Variants in PCDHA8 observed in about 807,000 individuals in gnomAD.
PCDHA8 encodes protocadherin alpha-8.
In PCDHA8, 53 loss-of-function variants were observed where a neutral mutation model predicts 61.8. That is an observed-to-expected ratio of 0.86 (90% CI 0.69 to 1.08). The LOEUF is 1.08. Ranked by LOEUF, PCDHA8 falls within the 50% of genes least tolerant of loss-of-function variation. PCDHA8 has a pLI of 0.00. For missense variants in PCDHA8, 1,293 were observed against 1,245.0 expected (o/e 1.04, Z -0.58); for synonymous variants, 618 against 556.6 (o/e 1.11, Z -1.55).
chr5:140,978,802 T>C, intron 1 of PCDHA8, 147 bp from the exon 2 acceptor site: 1 of 1,483,264 alleles, frequency 6.7e-7, no homozygotes, highest in Non-Finnish European at 9.0e-7. Flanking sequence ...TATGTAGATA[T>C]CATCATAGAG....
At chr5:140,850,132 G>A (rs2150469208) in intron 1 of PCDHA8, 1 of 1,595,756 alleles carries the variant, frequency 6.3e-7, no homozygotes, top group East Asian at 2.2e-5. Flanking sequence ...CCGCCTCTGG[G>A]CAGCAACGTG....
chr5:141,007,349 G>C (rs532404832), intron 3 of PCDHA8, among the ~76,000 whole-genome samples: 204 of 144,744 alleles, frequency 1.4e-3, no homozygotes, highest in Middle Eastern at 0.011. Flanking sequence ...TCAGGAGTTC[G>C]AGACCAGCCT....
At chr5:140,970,384 C>T (rs2096401322) in intron 1 of PCDHA8, among the ~76,000 whole-genome samples, 1 of 152,104 alleles carries the variant, frequency 6.6e-6, no homozygotes, top group Admixed American at 6.5e-5. Flanking sequence ...AAAAGGCTGG[C>T]TTGGAAAGTG....
intron 1 of PCDHA8, chr5:140,856,071 TG>T: frequency 6.3e-7 from 1 of 1,591,920 alleles, no homozygotes; most frequent in East Asian, 2.2e-5. Flanking sequence ...TGTAGCTGCC[TG>T]GGGGTCCAGT....
rs1263615997 is a variant in PCDHA8 at position 140,926,760 on chromosome 5, A to ATAC, written c.2395-52188_2395-52187insACT. ...GGCGCAACGTCGGCGGTCGCTGAGT[A>ATAC]TCCAGCCCGCAGCAGTGACGGCCGG... On this transcript the variant is annotated intron_variant, in intron 1 of 3. Transcript: ENST00000531613. The ATAC allele has an allele frequency of 6.1e-6, 8 of 1,312,248 alleles. No homozygotes were observed. The African/African-American group carries it at 1.2e-4, about 20-fold the overall frequency. The allele number at this position is 1,312,248 out of a possible 1,614,324, so 81.3% of individuals were successfully genotyped here.
chr5:140,975,686 A>G (rs558112597), intron 1 of PCDHA8, among the ~76,000 whole-genome samples: 1 of 152,328 alleles, frequency 6.6e-6, no homozygotes, highest in East Asian at 1.9e-4. Flanking sequence ...AAAATAGGGT[A>G]TTTTAAACTT....
intron 1 of PCDHA8, among the ~76,000 whole-genome samples, chr5:140,956,151 C>A (rs1193859248): frequency 6.6e-6 from 1 of 152,156 alleles, no homozygotes; most frequent in African/African-American, 2.4e-5. Flanking sequence ...CTTTCTCTTT[C>A]CTAATTGCCA....
intron 1 of PCDHA8, among the ~76,000 whole-genome samples, chr5:140,954,350 GA>G (rs1255818394): frequency 6.6e-6 from 1 of 152,156 alleles, no homozygotes; most frequent in Non-Finnish European, 1.5e-5. Context: ...GATCTTTGAG[GA>G]ATCGCCACAC....
chr5:140,984,981 A>G (rs2097130201), intron 3 of PCDHA8, among the ~76,000 whole-genome samples: 1 of 151,972 alleles, frequency 6.6e-6, no homozygotes, highest in South Asian at 2.1e-4. Flanking sequence ...TCTGTCCCCC[A>G]GGCTGGAGTC....
chr5:140,998,809 C>T (rs782698811), intron 3 of PCDHA8, among the ~76,000 whole-genome samples: 14 of 152,212 alleles, frequency 9.2e-5, no homozygotes, highest in Non-Finnish European at 1.9e-4. Context: ...GGTGATCTGC[C>T]TGCCTTGGCC....
At chr5:140,967,921 C>G (rs781932025) in intron 1 of PCDHA8, 1 of 1,614,172 alleles carries the variant, frequency 6.2e-7, no homozygotes, top group East Asian at 2.2e-5. Flanking sequence ...CCATTGTGGC[C>G]GTTCTCAGTG....
intron 1 of PCDHA8, chr5:140,868,480 T>G (rs1562616906): frequency 6.6e-6 from 1 of 152,316 alleles, no homozygotes. Flanking sequence ...AAACTTCAAT[T>G]TTTTCTTTGA....
At chr5:140,919,124 A>G (rs1195742790) in intron 1 of PCDHA8, among the ~76,000 whole-genome samples, 1 of 151,996 alleles carries the variant, frequency 6.6e-6, no homozygotes, top group Non-Finnish European at 1.5e-5. Flanking sequence ...TTTTTGCTTC[A>G]TGTGTTTTGG....
intron 1 of PCDHA8, 59 bp downstream of exon 1, chr5:140,843,774 A>G: frequency 6.9e-7 from 1 of 1,457,980 alleles, no homozygotes; most frequent in Non-Finnish European, 9.4e-7. Flanking sequence ...TAGTTACTTT[A>G]AAAGTGTTTC....
chr5:140,875,816 A>C lies in PCDHA8; in HGVS notation c.2394+32101A>C, dbSNP rs570265935. On this transcript the variant is annotated intron_variant, in intron 1 of 3. Coordinates refer to ENST00000531613, the MANE Select transcript of PCDHA8 (RefSeq NM_018911.3). ...GAGGTGATCGTGGACAGGCCGCTGC[A>C]GGTTTTCCATGTGGACGTGGAGGTG... is the stretch of plus-strand genomic sequence containing the variant. 24 of 1,614,198 alleles carry C rather than the reference A, an allele frequency of 1.5e-5. No individual in the cohort carries two copies. The South Asian group carries it at 2.6e-4, about 18-fold the overall frequency.
At chr5:140,984,824 C>A (rs920985683) in intron 3 of PCDHA8, among the ~76,000 whole-genome samples, 1 of 152,098 alleles carries the variant, frequency 6.6e-6, no homozygotes, top group Non-Finnish European at 1.5e-5. Context: ...TCTTAATTAC[C>A]CTTTCTGTAA....
rs782398517 is a variant in PCDHA8, at chr5:140,857,600, G to A, written c.2394+13885G>A. The A allele has an allele frequency of 5.0e-6, 8 of 1,596,228 alleles. No homozygotes were observed. In the African/African-American group the frequency reaches 9.4e-5, roughly 19 times the overall value. ...GCACGCGGAGAGCGGCAAGGTGTAC[G>A]CGCTGCAGCCGCTGGACCACGAGGA... is the stretch of plus-strand genomic sequence containing the variant. On this transcript the variant is annotated intron_variant, in intron 1 of 3. Transcript: ENST00000531613.
chr5:140,892,424 C>T (rs1288815822), intron 1 of PCDHA8, among the ~76,000 whole-genome samples: 1 of 152,040 alleles, frequency 6.6e-6, no homozygotes, highest in Non-Finnish European at 1.5e-5. Context: ...CTAGATAAAA[C>T]CTCATTATCT....
intron 1 of PCDHA8, chr5:140,870,883 C>T: frequency 1.9e-6 from 3 of 1,613,920 alleles, no homozygotes; most frequent in Middle Eastern, 1.6e-4. Flanking sequence ...GGCGAAGGTG[C>T]GCGCAGTGGA....
Sources: allele counts gnomAD v4.1 joint callset (sites outside exome capture counted in the v4.1 genomes callset), GRCh38; gene constraint gnomAD v4.1.1; transcripts MANE v1.5; gene names NCBI Gene and HGNC (gene_info 2026-07-23, HGNC 2026-07-21).